The following ARHGEF7 variants were observed in gnomAD, a reference collection of about 807,000 sequenced individuals.
The protein encoded by ARHGEF7 is PAK-interacting exchange factor beta.
A neutral mutation model predicts 109.8 loss-of-function variants in ARHGEF7; 33 were observed. The observed-to-expected ratio is 0.30, with a 90% CI of 0.23 to 0.40. The LOEUF (loss-of-function observed/expected upper bound fraction) is 0.40, where lower values mean the gene tolerates loss of function less well. Ranked by LOEUF, ARHGEF7 falls within the 10% of genes least tolerant of loss-of-function variation. The probability of loss-of-function intolerance (pLI) is 1.00; values close to 1 mark genes in which losing one functional copy is unlikely to be tolerated. For synonymous variants in ARHGEF7, 458 were observed against 424.6 expected (o/e 1.08, Z -0.97); for missense variants, 938 against 1,098.5 (o/e 0.85, Z 2.07).
intron 15 of ARHGEF7, among the ~76,000 whole-genome samples, chr13:111,281,754 A>G (rs1392932491): frequency 6.6e-6 from 1 of 152,094 alleles, no homozygotes; most frequent in Non-Finnish European, 1.5e-5. Flanking sequence ...ATATCAAGTC[A>G]GCTTTTCTCT....
intron 1 of ARHGEF7, among the ~76,000 whole-genome samples, chr13:111,133,455 G>A (rs2074892875): frequency 2.0e-5 from 3 of 152,050 alleles, no homozygotes; most frequent in Non-Finnish European, 4.4e-5. Flanking sequence ...GAAAATATCT[G>A]GGTTGGTTTG....
In ARHGEF7 at chr13:111,162,978, T is replaced by C. The variant is rs936109352; in HGVS notation, c.252+8987T>C. Reference sequence around the variant, plus strand: ...CAGACAGATGAGGAGGTAAACTGTTTATTGAAACTTGGCATTGAAGGTTTA... The same window carrying C: ...CAGACAGATGAGGAGGTAAACTGTTCATTGAAACTTGGCATTGAAGGTTTA... On this transcript the variant is annotated intron_variant, in intron 2 of 21. Coordinates refer to ENST00000646102, the MANE Select transcript of ARHGEF7 (RefSeq NM_001354046.2). Among the ~76,000 whole-genome samples the C allele has an allele frequency of 2.0e-5, 3 of 152,202 alleles. No individual in the cohort carries two copies. In the East Asian group the frequency reaches 5.8e-4, roughly 29 times the overall value.
At chr13:111,135,864 G>A (rs1257566180) in intron 1 of ARHGEF7, among the ~76,000 whole-genome samples, 1 of 152,178 alleles carries the variant, frequency 6.6e-6, no homozygotes, top group African/African-American at 2.4e-5. Context: ...GGGCATCCCT[G>A]TCTTGTGCCA....
chr13:111,284,263 A>C (rs2153613046), intron 16 of ARHGEF7, among the ~76,000 whole-genome samples: 1 of 152,294 alleles, frequency 6.6e-6, no homozygotes, highest in Non-Finnish European at 1.5e-5. Flanking sequence ...CACATTTGCC[A>C]AGGGAACTGG....
intron 1 of ARHGEF7, among the ~76,000 whole-genome samples, chr13:111,152,854 ACT>A (rs1221637089): frequency 6.6e-6 from 1 of 152,208 alleles, no homozygotes; most frequent in African/African-American, 2.4e-5. Context: ...AGTAATTGGT[ACT>A]GTTTCTGGTT....
rs1470353053 is a variant in ARHGEF7, at chr13:111,305,619, A to G, written c.*2506A>G. On this transcript the variant is annotated 3_prime_UTR_variant, in exon 22 of 22. Coordinates refer to ENST00000646102, the MANE Select transcript of ARHGEF7 (RefSeq NM_001354046.2). ...TCTGGGACACCCAGGGCGCCTGTTGACAAGTGTGGAGAAACTCCTAATTTA... is the reference window on the plus strand; with the variant it reads ...TCTGGGACACCCAGGGCGCCTGTTGGCAAGTGTGGAGAAACTCCTAATTTA... 2.0e-5 allele frequency: 3 copies of G among 152,248 alleles called. No homozygotes were observed. Among genetic ancestry groups the G allele is most frequent in the African/African-American group, 7.2e-5 (3 of 41,464 alleles). The allele number at this position is 152,248 out of a possible 1,614,324, so 9.4% of individuals were successfully genotyped here. A position where few individuals can be genotyped will look rare whatever the true frequency, so the allele number is the denominator to read the frequency against.
At chr13:111,274,814 TC>T (rs779849312) in intron 11 of ARHGEF7, 24 bp downstream of exon 11, 26 of 1,377,306 alleles carry the variant, frequency 1.9e-5, no homozygotes, top group Non-Finnish European at 2.3e-5. Context: ...CATATTGTTT[TC>T]CCCCCCAGAC....
In ARHGEF7 at chr13:111,130,319, T is replaced by C. The variant is rs377607341; in HGVS notation, c.165+14628T>C. ...TCAAAACTTATCAAAGTGCACAGTT[T>C]ACATATGAGCAGTTTATTGCATGTC... On this transcript the variant is annotated intron_variant, in intron 1 of 21. Coordinates refer to ENST00000646102, the MANE Select transcript of ARHGEF7 (RefSeq NM_001354046.2). Among the ~76,000 whole-genome samples, 59 of 152,306 alleles carry C rather than the reference T, an allele frequency of 3.9e-4. 1 individual carries two copies. The highest frequency in any genetic ancestry group is 1.3e-3 in the African/African-American group (55 of 41,562).
intron 2 of ARHGEF7, among the ~76,000 whole-genome samples, chr13:111,167,717 C>T (rs2077241477): frequency 2.6e-5 from 4 of 152,210 alleles, no homozygotes; most frequent in Admixed American, 2.6e-4. Flanking sequence ...TCCTAAATAC[C>T]CTAACCCTGC....
At chr13:111,268,825 A>C (rs1437868787) in intron 9 of ARHGEF7, among the ~76,000 whole-genome samples, 1 of 152,208 alleles carries the variant, frequency 6.6e-6, no homozygotes, top group African/African-American at 2.4e-5. Context: ...TGCTCAGTGA[A>C]TATTCTGTTG....
At position 111,300,820 on chromosome 13, in the gene ARHGEF7, G is replaced by C; in HGVS notation, c.2384G>C (p.Ser795Thr). The C allele has an allele frequency of 1.2e-6, 2 of 1,608,138 alleles. No individual in the cohort carries two copies. The highest frequency in any genetic ancestry group is 1.7e-6 in the Non-Finnish European group (2 of 1,176,090). Residue 795 changes from serine (S) to threonine (T), a missense_variant, in exon 20 of 22, where the codon AGT becomes ACT. Around this residue, in one of 4 missense-constraint regions of ARHGEF7, gnomAD observed 166 missense variants for 167.3 expected, o/e 0.99. Transcript: ENST00000646102. ...AAAATTATAGTGGAAGAAACTAAAA[G>C]TAATGGTCAGACAGTGATAGAAGAA... Reference protein sequence around the residue: ...EEKIIVEETKSNGQTVIEEKS... With the variant: ...EEKIIVEETKTNGQTVIEEKS...
At chr13:111,252,487 C>T (rs1360484806) in intron 8 of ARHGEF7, among the ~76,000 whole-genome samples, 3 of 152,166 alleles carry the variant, frequency 2.0e-5, no homozygotes, top group Non-Finnish European at 2.9e-5. Context: ...TGTTTTGCTG[C>T]AAATTAAATG....
At chr13:111,116,043 C>T (rs1354166077) in intron 1 of ARHGEF7, among the ~76,000 whole-genome samples, 1 of 152,196 alleles carries the variant, frequency 6.6e-6, no homozygotes, top group Non-Finnish European at 1.5e-5. Context: ...GCAGCAGCCG[C>T]ATCGGAAACC....
intron 5 of ARHGEF7, among the ~76,000 whole-genome samples, chr13:111,229,870 C>A (rs1171039880): frequency 1.3e-5 from 2 of 152,174 alleles, no homozygotes; most frequent in Non-Finnish European, 1.5e-5. Flanking sequence ...TAGGCTGTGC[C>A]CCCGTCTGTG....
intron 6 of ARHGEF7, among the ~76,000 whole-genome samples, chr13:111,233,592 A>C (rs2086397385): frequency 6.6e-6 from 1 of 152,252 alleles, no homozygotes; most frequent in East Asian, 1.9e-4. Flanking sequence ...ATGATATTTG[A>C]AAAAATGTAT....
At chr13:111,148,610 T>G (rs556401266) in intron 1 of ARHGEF7, among the ~76,000 whole-genome samples, 3 of 152,304 alleles carry the variant, frequency 2.0e-5, no homozygotes, top group Admixed American at 6.5e-5. Context: ...CCATCTCCTC[T>G]CTCATGATGG....
At chr13:111,206,395 A>C (rs11617467) in intron 3 of ARHGEF7, among the ~76,000 whole-genome samples, 18,866 of 152,012 alleles carry the variant, frequency 0.12, 1,508 homozygotes, top group Non-Finnish European at 0.18. Context: ...CTGGAAGCTG[A>C]TGCTGCTGCT....
At chr13:111,293,454 A>T (rs1360589338) in intron 19 of ARHGEF7, 6 of 960,186 alleles carry the variant, frequency 6.2e-6, no homozygotes, top group Non-Finnish European at 7.4e-6. Flanking sequence ...AAAAAAAAAA[A>T]CTCACCCGTT....
chr13:111,231,311 A>T (rs532466226), intron 5 of ARHGEF7, among the ~76,000 whole-genome samples: 4 of 152,184 alleles, frequency 2.6e-5, no homozygotes, highest in Non-Finnish European at 4.4e-5. Context: ...GCAAGAATAG[A>T]TTGGTTTTCC....
Sources: allele counts gnomAD v4.1 joint callset (sites outside exome capture counted in the v4.1 genomes callset), GRCh38; gene constraint gnomAD v4.1.1; regional missense constraint gnomAD v4.1.1; transcripts MANE v1.5; gene names NCBI Gene and HGNC (gene_info 2026-07-23, HGNC 2026-07-21).